TBC1D8: variants seen among roughly 807,000 people sequenced by gnomAD.
The protein encoded by TBC1D8 is TBC1 domain family member 8.
Under a neutral mutation model 118.8 loss-of-function variants are expected in TBC1D8, and 65 were observed. That is an observed-to-expected ratio of 0.55 (90% CI 0.45 to 0.67). The LOEUF is 0.67. Ranked by LOEUF, TBC1D8 falls within the 30% of genes least tolerant of loss-of-function variation. The pLI, the probability that TBC1D8 is intolerant of heterozygous loss-of-function variation, is 0.00. For missense variants in TBC1D8, 1,376 were observed against 1,471.2 expected (o/e 0.94, Z 1.06); for synonymous variants, 566 against 595.8 (o/e 0.95, Z 0.73).
intron 1 of TBC1D8, among the ~76,000 whole-genome samples, chr2:101,108,350 G>T (rs1270379564): frequency 6.6e-6 from 1 of 152,164 alleles, no homozygotes; most frequent in African/African-American, 2.4e-5. Flanking sequence ...TGTCCTGAAT[G>T]GAATCCTGGA....
chr2:101,120,240 C>T (rs551370335), intron 1 of TBC1D8, among the ~76,000 whole-genome samples: 8 of 152,174 alleles, frequency 5.3e-5, no homozygotes, highest in Non-Finnish European at 1.2e-4. Context: ...CCTCTTTGGC[C>T]GCTGCTCCCA....
At chr2:101,149,895 A>T (rs1679478672) in intron 1 of TBC1D8, among the ~76,000 whole-genome samples, 1 of 152,150 alleles carries the variant, frequency 6.6e-6, no homozygotes, top group Non-Finnish European at 1.5e-5. Flanking sequence ...TTGCCACTCA[A>T]CAGGACCACT....
intron 8 of TBC1D8, among the ~76,000 whole-genome samples, 169 bp from the exon 9 acceptor site, chr2:101,036,337 G>C (rs1681008645): frequency 6.6e-6 from 1 of 152,168 alleles, no homozygotes; most frequent in African/African-American, 2.4e-5. Context: ...ACCTTTACTG[G>C]GGGCACAGAG....
intron 1 of TBC1D8, among the ~76,000 whole-genome samples, chr2:101,117,941 G>T (rs78950046): frequency 3.3e-5 from 5 of 150,812 alleles, no homozygotes; most frequent in East Asian, 1.9e-4. Flanking sequence ...CATACAGAAG[G>T]GGGTGGGAGG....
chr2:101,110,326 A>G (rs1048107297), intron 1 of TBC1D8, among the ~76,000 whole-genome samples: 1 of 152,210 alleles, frequency 6.6e-6, no homozygotes, highest in African/African-American at 2.4e-5. Context: ...CAGTGGTGGC[A>G]GAGTGCTCTG....
intron 1 of TBC1D8, among the ~76,000 whole-genome samples, chr2:101,105,603 A>C (rs929061448): frequency 2.2e-5 from 3 of 137,734 alleles, no homozygotes; most frequent in Admixed American, 7.4e-5. Context: ...AAAAAAAAAA[A>C]AAAAACATAT....
chr2:101,073,920 T>C (rs1265071250), intron 2 of TBC1D8, among the ~76,000 whole-genome samples: 1 of 152,252 alleles, frequency 6.6e-6, no homozygotes. Flanking sequence ...ACTTTCTCCA[T>C]AGAAGCAATA....
At chr2:101,115,828 G>T (rs970763615) in intron 1 of TBC1D8, among the ~76,000 whole-genome samples, 4 of 152,070 alleles carry the variant, frequency 2.6e-5, no homozygotes, top group Admixed American at 2.0e-4. Flanking sequence ...CAGTGGTAGT[G>T]ATGGAACCGG....
chr2:101,126,644 G>A (rs1678369867), intron 1 of TBC1D8, among the ~76,000 whole-genome samples: 1 of 152,182 alleles, frequency 6.6e-6, no homozygotes, highest in African/African-American at 2.4e-5. Flanking sequence ...TATGAAAAAT[G>A]TAATTCAATA....
At chr2:101,102,545 A>C (rs1381198820) in intron 1 of TBC1D8, among the ~76,000 whole-genome samples, 1 of 152,082 alleles carries the variant, frequency 6.6e-6, no homozygotes, top group Admixed American at 6.6e-5. Flanking sequence ...ACCAAAAAAA[A>C]AACAACAAAA....
At position 101,061,040 on chromosome 2, in the gene TBC1D8, T is replaced by C. The variant is rs148532238; in HGVS notation, c.284-1501A>G. On this transcript the variant is annotated intron_variant, in intron 2 of 19. Transcript: ENST00000409318. ...CCATCTCTACTAAACATACAAAAAT[T>C]AGCCAGTCACGGTGGTGGGCCCCCC... is the stretch of plus-strand genomic sequence containing the variant. Among the ~76,000 whole-genome samples, 14 of 151,840 alleles carry C rather than the reference T, an allele frequency of 9.2e-5. No homozygotes were observed. In the East Asian group the frequency reaches 2.3e-3, roughly 25 times the overall value.
At chr2:101,037,121 T>C (rs942026431) in intron 8 of TBC1D8, among the ~76,000 whole-genome samples, 2 of 152,088 alleles carry the variant, frequency 1.3e-5, no homozygotes, top group African/African-American at 4.8e-5. Flanking sequence ...TGTAAGTAAA[T>C]ATAGCAAAAA....
intron 1 of TBC1D8, among the ~76,000 whole-genome samples, chr2:101,142,924 T>C (rs1315307818): frequency 1.3e-5 from 2 of 152,144 alleles, no homozygotes; most frequent in South Asian, 4.1e-4. Context: ...TTTGCTCCAT[T>C]ACCTACAACT....
At chr2:101,025,364 T>C (rs553509688) in intron 15 of TBC1D8, among the ~76,000 whole-genome samples, 12 of 152,258 alleles carry the variant, frequency 7.9e-5, no homozygotes, top group African/African-American at 2.6e-4. Context: ...GTAGCTGGGA[T>C]TACAGGAGTG....
At position 101,090,980 on chromosome 2, in the gene TBC1D8, T is replaced by C. The variant is rs143378223; in HGVS notation, c.128-616A>G. On this transcript the variant is annotated intron_variant, in intron 1 of 19. Coordinates refer to ENST00000409318, the MANE Select transcript of TBC1D8 (RefSeq NM_001330348.2). Reference sequence around the variant, plus strand: ...AATCCCTGCCTGCTCCAGGGTACTGTGAGATGTAAATAAGAAAACCGGCCA... The same window carrying C: ...AATCCCTGCCTGCTCCAGGGTACTGCGAGATGTAAATAAGAAAACCGGCCA... Among the ~76,000 whole-genome samples the C allele has an allele frequency of 8.0e-3, 1,220 of 152,308 alleles. 19 individuals carry two copies. Among genetic ancestry groups the C allele is most frequent in the African/African-American group, 0.027 (1,134 of 41,554 alleles).
chr2:101,143,623 G>A (rs971786270), intron 1 of TBC1D8, among the ~76,000 whole-genome samples: 6 of 152,090 alleles, frequency 3.9e-5, no homozygotes, highest in Admixed American at 1.3e-4. Flanking sequence ...GCAGTGGTAC[G>A]ATCACAGTTC....
At chr2:101,035,974 A>G (rs779369786) in intron 9 of TBC1D8, 44 bp downstream of exon 9, 6 of 1,609,060 alleles carry the variant, frequency 3.7e-6, no homozygotes, top group East Asian at 2.2e-5. Context: ...TCCTGTGTCC[A>G]TGACAAAAAG....
At chr2:101,133,536 A>G (rs1330073677) in intron 1 of TBC1D8, among the ~76,000 whole-genome samples, 1 of 152,162 alleles carries the variant, frequency 6.6e-6, no homozygotes, top group Non-Finnish European at 1.5e-5. Flanking sequence ...AGATCAAGGC[A>G]CCAGCAGATT....
At chr2:101,144,715 T>C (rs988387578) in intron 1 of TBC1D8, among the ~76,000 whole-genome samples, 4 of 152,184 alleles carry the variant, frequency 2.6e-5, no homozygotes, top group Non-Finnish European at 2.9e-5. Flanking sequence ...GGCGGGCAGA[T>C]TGCCTGAGCT....
Sources: gnomAD v4.1 joint callset for allele counts (sites outside exome capture counted in the v4.1 genomes callset) on GRCh38, gnomAD v4.1.1 for gene constraint, MANE v1.5 for transcripts, NCBI Gene and HGNC (gene_info 2026-07-23, HGNC 2026-07-21) for gene names.